Variants in PCDHA2 observed in about 807,000 individuals in gnomAD.
The protein encoded by PCDHA2 is protocadherin alpha 2.
In PCDHA2, 58 loss-of-function variants were observed where a neutral mutation model predicts 66.0. The observed-to-expected ratio is 0.88, with a 90% CI of 0.71 to 1.09. PCDHA2 has a LOEUF of 1.09. PCDHA2 is among the 50% of genes least tolerant of loss of function. PCDHA2 has a pLI of 0.00. For synonymous variants in PCDHA2, 634 were observed against 554.0 expected (o/e 1.14, Z -2.03); for missense variants, 1,267 against 1,242.3 (o/e 1.02, Z -0.30).
At chr5:140,828,672 T>G in intron 1 of PCDHA2, 2 of 1,614,182 alleles carry the variant, frequency 1.2e-6, no homozygotes, top group South Asian at 2.2e-5. Context: ...CAAATTGGGC[T>G]CTTATTAAAG....
intron 1 of PCDHA2, chr5:140,882,232 T>C: frequency 1.9e-6 from 3 of 1,575,806 alleles, no homozygotes; most frequent in African/African-American, 1.4e-5. Context: ...AGGCGTTGTA[T>C]ATATTGCAGA....
rs375481139 is a variant in PCDHA2 at position 140,894,977 on chromosome 5, C to T, written c.2389-83972C>T. ...AAAAATATAATTTTTTAATGTCTTA[C>T]TTTGTGACATCCTTTACCCTTTTTA... On this transcript the variant is annotated intron_variant, in intron 1 of 3. Coordinates refer to ENST00000526136, the MANE Select transcript of PCDHA2 (RefSeq NM_018905.3). Among the ~76,000 whole-genome samples the T allele has an allele frequency of 4.5e-4, 69 of 152,216 alleles. No homozygotes were observed. The South Asian group carries it at 0.014, about 30-fold the overall frequency.
At chr5:140,912,806 T>TA (rs1378576653) in intron 1 of PCDHA2, among the ~76,000 whole-genome samples, 2 of 152,232 alleles carry the variant, frequency 1.3e-5, no homozygotes, top group African/African-American at 4.8e-5. Context: ...TGAGGGTTTT[T>TA]ATCATAAAGG....
Position 140,932,626 on chromosome 5 carries a change from C to T in PCDHA2, c.2389-46323C>T, listed in dbSNP as rs965543719. 1.2e-4 allele frequency among the ~76,000 whole-genome samples: 18 copies of T among 151,670 alleles called. 1 individual carries two copies. The highest frequency in any genetic ancestry group is 8.9e-5 in the Non-Finnish European group (6 of 67,754). On this transcript the variant is annotated intron_variant, in intron 1 of 3. Coordinates refer to ENST00000526136, the MANE Select transcript of PCDHA2 (RefSeq NM_018905.3). ...TTTGACTTTGAAGCTGATAACCACA[C>T]TAAAAAACTTTAGAATGATGAAACT...
At chr5:140,957,373 T>G (rs906109440) in intron 1 of PCDHA2, among the ~76,000 whole-genome samples, 1 of 152,192 alleles carries the variant, frequency 6.6e-6, no homozygotes, top group Non-Finnish European at 1.5e-5. Flanking sequence ...ACTTTTATTA[T>G]AGTGTATTGT....
intron 1 of PCDHA2, chr5:140,869,865 T>C (rs782263076): frequency 6.2e-7 from 1 of 1,610,308 alleles, no homozygotes; most frequent in Non-Finnish European, 8.5e-7. Context: ...TTATGGAAAA[T>C]GCTGCTAAAG....
chr5:140,967,641 T>C (rs2096165933), intron 1 of PCDHA2: 1 of 1,614,004 alleles, frequency 6.2e-7, no homozygotes, highest in East Asian at 2.2e-5. Context: ...AATGGTGAGC[T>C]CAGGTACTCC....
At chr5:140,806,430 G>T (rs898083831) in intron 1 of PCDHA2, among the ~76,000 whole-genome samples, 1 of 152,234 alleles carries the variant, frequency 6.6e-6, no homozygotes, top group Non-Finnish European at 1.5e-5. Flanking sequence ...TATTTGGAAT[G>T]CTTTTCCATG....
intron 1 of PCDHA2, chr5:140,829,720 G>C: frequency 6.2e-7 from 1 of 1,613,502 alleles, no homozygotes; most frequent in Non-Finnish European, 8.5e-7. Flanking sequence ...CGGGCGTGCC[G>C]CCTCTGGGCA....
At position 140,935,795 on chromosome 5, in the gene PCDHA2, C is replaced by CTT. The variant is rs555560136; in HGVS notation, c.2389-43154_2389-43153insTT. ...GAGTTTTTTCACTTAAAAATATAAA[C>CTT]GAGATTATTTCATAGTAGTATAGTA... On this transcript the variant is annotated intron_variant, in intron 1 of 3. Coordinates refer to ENST00000526136, the MANE Select transcript of PCDHA2 (RefSeq NM_018905.3). 5.4e-3 allele frequency among the ~76,000 whole-genome samples: 824 copies of CTT among 151,876 alleles called. 3 individuals are homozygous for CTT. Among genetic ancestry groups the CTT allele is most frequent in the African/African-American group, 0.019 (793 of 41,436 alleles).
At chr5:140,844,072 C>T (rs1779214774) in intron 1 of PCDHA2, among the ~76,000 whole-genome samples, 1 of 149,460 alleles carries the variant, frequency 6.7e-6, no homozygotes, top group African/African-American at 2.5e-5. Context: ...TTCTTTTGTC[C>T]TTAGGCACTG....
At chr5:140,880,582 A>G (rs2058391478) in intron 1 of PCDHA2, among the ~76,000 whole-genome samples, 1 of 152,230 alleles carries the variant, frequency 6.6e-6, no homozygotes, top group South Asian at 2.1e-4. Flanking sequence ...GAAGAGAGGA[A>G]AGAGAATATG....
rs146821058 is a variant in PCDHA2, at chr5:140,797,163, G to A, written c.2199G>A (p.Ala733=). ...TGCCACCCACCGAGGGTGCGCGCGC[G>A]CCAGGAAAGCCCACGCTGGTGTGCT... ...CSVPPTEGAR[A]PGKPTLVCSS... is the part of the protein sequence containing the mutation. The change falls in exon 1 of 4, where the codon GCG becomes GCA. Residue 733 remains alanine, a synonymous_variant. Transcript: ENST00000526136. 1.9e-6 allele frequency: 3 copies of A among 1,614,050 alleles called. No individual in the cohort carries two copies. Among genetic ancestry groups the A allele is most frequent in the African/African-American group, 1.3e-5 (1 of 75,070 alleles).
Position 140,914,249 on chromosome 5 carries a change from G to T in PCDHA2, c.2389-64700G>T, listed in dbSNP as rs186578589. 2.8e-3 allele frequency among the ~76,000 whole-genome samples: 422 copies of T among 152,092 alleles called. 2 individuals carry two copies. Among genetic ancestry groups the T allele is most frequent in the Middle Eastern group, 0.014 (4 of 294 alleles). ...AATACTATTTGCTTTTTATATCTGG[G>T]TGCTTCAATGGTGGGTGCATATATA... is the stretch of plus-strand genomic sequence containing the variant. On this transcript the variant is annotated intron_variant, in intron 1 of 3. Coordinates refer to ENST00000526136, the MANE Select transcript of PCDHA2 (RefSeq NM_018905.3).
chr5:140,985,590 T>C (rs1049609959), intron 3 of PCDHA2, among the ~76,000 whole-genome samples: 5 of 152,166 alleles, frequency 3.3e-5, no homozygotes, highest in African/African-American at 1.2e-4. Flanking sequence ...TCCTTATACT[T>C]GCTTCAGAGC....
chr5:140,896,467 G>A (rs191220082), intron 1 of PCDHA2, among the ~76,000 whole-genome samples: 1,607 of 151,540 alleles, frequency 0.011, 16 homozygotes, highest in African/African-American at 0.028. Context: ...GGTTCAAGCG[G>A]TTCTCCTGCC....
At chr5:140,822,061 C>T in intron 1 of PCDHA2, 1 of 1,614,168 alleles carries the variant, frequency 6.2e-7, no homozygotes. Context: ...GGAGCTGTGC[C>T]GGCGGAGGGC....
chr5:140,993,238 T>A (rs896841031), intron 3 of PCDHA2, among the ~76,000 whole-genome samples: 1 of 152,182 alleles, frequency 6.6e-6, no homozygotes, highest in African/African-American at 2.4e-5. Context: ...TCTCTGAATC[T>A]GGGGATTTAG....
chr5:140,883,151 A>G (rs1317370821), intron 1 of PCDHA2: 1 of 1,613,978 alleles, frequency 6.2e-7, no homozygotes, highest in Non-Finnish European at 8.5e-7. Flanking sequence ...TGCATTTACC[A>G]TAAATCCGAA....
Sources: allele counts gnomAD v4.1 joint callset (sites outside exome capture counted in the v4.1 genomes callset), GRCh38; gene constraint gnomAD v4.1.1; transcripts MANE v1.5; gene names NCBI Gene and HGNC (gene_info 2026-07-23, HGNC 2026-07-21).